KIRREL3: variants seen among roughly 807,000 people sequenced by gnomAD.
KIRREL3 encodes the protein kin of IRRE-like protein 3.
A neutral mutation model predicts 89.7 loss-of-function variants in KIRREL3; 36 were observed. The observed-to-expected ratio is 0.40, with a 90% confidence interval of 0.31 to 0.53. The LOEUF (loss-of-function observed/expected upper bound fraction) is 0.53, where lower values mean the gene tolerates loss of function less well. Among genes scored for constraint, KIRREL3 ranks in the 20% least tolerant of loss-of-function variants. KIRREL3 has a pLI of 0.49. For missense variants in KIRREL3, 864 were observed against 1,056.6 expected, an observed-to-expected ratio of 0.82 and a Z score of 2.53; for synonymous variants, 445 against 441.4, an observed-to-expected ratio of 1.01 and a Z score of -0.10.
At chr11:126,947,304 C>G (rs933540710) in intron 1 of KIRREL3, among the ~76,000 whole-genome samples, 4 of 152,174 alleles carry the variant, frequency 2.6e-5, no homozygotes, top group African/African-American at 9.7e-5. Context: ...CTTCACCTCT[C>G]CTATAACTCT....
Position 126,943,235 on chromosome 11 carries a change from G to A in KIRREL3, c.55+57220C>T, listed in dbSNP as rs1948512760. ...TTCTGGGCCTTAAGCAGCTCCCATGGTAAAACATTCACCGTCATTCTTTCT... is the reference window on the plus strand; with the variant it reads ...TTCTGGGCCTTAAGCAGCTCCCATGATAAAACATTCACCGTCATTCTTTCT... On this transcript the variant is annotated intron_variant, in intron 1 of 16. Transcript: ENST00000525144. This position sits in a 1 kb window ranked among gnomAD's most constrained non-coding sequence, Gnocchi z 4.2. Among the ~76,000 whole-genome samples the A allele has an allele frequency of 6.6e-6, 1 of 152,160 alleles. No homozygotes were observed. Among genetic ancestry groups the A allele is most frequent in the South Asian group, 2.1e-4 (1 of 4,826 alleles).
rs1958396754 is a variant in KIRREL3 at position 126,515,994 on chromosome 11, A to T, written c.433+5321T>A. On this transcript the variant is annotated intron_variant, in intron 4 of 16. Transcript: ENST00000525144. This position sits in a 1 kb window ranked among gnomAD's most constrained non-coding sequence, Gnocchi z 4.2. Reference sequence around the variant, plus strand: ...CTGGACCCATCTCCCCAGAAGATTCATGGATGGGAGATTGGGGGAGGCTGC... The same window carrying T: ...CTGGACCCATCTCCCCAGAAGATTCTTGGATGGGAGATTGGGGGAGGCTGC... 6.6e-6 allele frequency among the ~76,000 whole-genome samples: 1 copy of T among 152,056 alleles called. No homozygotes were observed. Among genetic ancestry groups the T allele is most frequent in the Non-Finnish European group, 1.5e-5 (1 of 68,000 alleles).
rs143542619 is a variant in KIRREL3, at chr11:126,889,861, C to T, written c.55+110594G>A. 3.3e-5 allele frequency among the ~76,000 whole-genome samples: 5 copies of T among 152,278 alleles called. No individual in the cohort carries two copies. In the East Asian group the frequency reaches 7.7e-4, roughly 24 times the overall value. ...TAAAAATCAAGGTTTGTGGGAATCA[C>T]TTCATAAAAAATATCTCCGTGACTG... On this transcript the variant is annotated intron_variant, in intron 1 of 16. Transcript: ENST00000525144.
At chr11:126,650,747 C>T (rs988185848) in intron 1 of KIRREL3, among the ~76,000 whole-genome samples, 1 of 152,188 alleles carries the variant, frequency 6.6e-6, no homozygotes, top group South Asian at 2.1e-4. Flanking sequence ...CTCCCTGTTG[C>T]CAAGTTCCAA....
intron 1 of KIRREL3, among the ~76,000 whole-genome samples, chr11:126,889,738 TA>T (rs1945838610): frequency 6.6e-6 from 1 of 152,200 alleles, no homozygotes; most frequent in Non-Finnish European, 1.5e-5. Flanking sequence ...CACAAAGGCA[TA>T]AACAATAGAG....
intron 1 of KIRREL3, among the ~76,000 whole-genome samples, chr11:126,833,932 T>C (rs1393364307): frequency 1.3e-5 from 2 of 152,242 alleles, no homozygotes; most frequent in Non-Finnish European, 2.9e-5. Flanking sequence ...AAGTCTACGT[T>C]TTGTTTCAGC....
chr11:126,920,679 C>G (rs1947235833), intron 1 of KIRREL3: 1 of 152,236 alleles, frequency 6.6e-6, no homozygotes, highest in Non-Finnish European at 1.5e-5. Flanking sequence ...TTTGGTCTCT[C>G]TACTTTCTCC....
chr11:126,523,672 C>T lies in KIRREL3; in HGVS notation c.284-2208G>A, dbSNP rs1262552162. ...AAGTTAAGCTGTCTCCCCCCAGGGC[C>T]AGGAGAGGGGCTGGAAATGGGTTCT... On this transcript the variant is annotated intron_variant, in intron 3 of 16. Transcript: ENST00000525144. The surrounding 1 kb of genome is among the most constrained non-coding windows in gnomAD (Gnocchi z 4.9). Among the ~76,000 whole-genome samples the T allele has an allele frequency of 6.6e-6, 1 of 152,132 alleles. No individual in the cohort carries two copies. Among genetic ancestry groups the T allele is most frequent in the Non-Finnish European group, 1.5e-5 (1 of 68,034 alleles).
chr11:126,435,489 T>C (rs980343103), intron 12 of KIRREL3, among the ~76,000 whole-genome samples, 186 bp from the exon 13 acceptor site: 1 of 148,096 alleles, frequency 6.8e-6, no homozygotes, highest in Non-Finnish European at 1.5e-5. Context: ...ACTTAGAGAC[T>C]CTGGAGGGGC....
intron 1 of KIRREL3, among the ~76,000 whole-genome samples, chr11:126,662,761 A>G (rs1004492550): frequency 1.3e-5 from 2 of 152,182 alleles, no homozygotes; most frequent in African/African-American, 4.8e-5. Flanking sequence ...GCAGTTGGAG[A>G]TAGCAAAGCA....
Position 126,897,912 on chromosome 11 carries a change from C to A in KIRREL3, c.55+102543G>T, listed in dbSNP as rs1423696815. ...GCACCTCGAGTTGCTGCTGGGACTG[C>A]AGAGGACACATCATTCTGCCTCTGC... On this transcript the variant is annotated intron_variant, in intron 1 of 16. Transcript: ENST00000525144. The surrounding 1 kb of genome is among the most constrained non-coding windows in gnomAD (Gnocchi z 4.2). Among the ~76,000 whole-genome samples the A allele has an allele frequency of 1.3e-5, 2 of 152,158 alleles. No individual in the cohort carries two copies. Among genetic ancestry groups the A allele is most frequent in the African/African-American group, 4.8e-5 (2 of 41,438 alleles).
At chr11:126,941,652 G>A (rs897956046) in intron 1 of KIRREL3, among the ~76,000 whole-genome samples, 2 of 151,982 alleles carry the variant, frequency 1.3e-5, no homozygotes, top group African/African-American at 4.8e-5. Context: ...TTAGTCTTCT[G>A]ATTCAAGCCT....
At position 126,430,896 on chromosome 11, in the gene KIRREL3, G is replaced by A. The variant is rs761051054; in HGVS notation, c.1696+523C>T. 45 of 845,886 alleles carry A rather than the reference G, an allele frequency of 5.3e-5. No individual in the cohort carries two copies. The highest frequency in any genetic ancestry group is 5.9e-4 in the Middle Eastern group (1 of 1,694). 52.4% of individuals were successfully genotyped at this position (845,886 alleles called of 1,614,324 possible). ...CCTCGGTGCACGCAATTCTTCAAGC[G>A]TGCACAAACACTAGAATTTTATTGG... On this transcript the variant is annotated intron_variant, in intron 14 of 16. Coordinates refer to ENST00000525144, the MANE Select transcript of KIRREL3 (RefSeq NM_032531.4). This position sits in a 1 kb window ranked among gnomAD's most constrained non-coding sequence, Gnocchi z 6.6.
In KIRREL3 at chr11:126,796,125, T is replaced by G. The variant is rs1950802687; in HGVS notation, c.55+204330A>C. On this transcript the variant is annotated intron_variant, in intron 1 of 16. Coordinates refer to ENST00000525144, the MANE Select transcript of KIRREL3 (RefSeq NM_032531.4). This position sits in a 1 kb window ranked among gnomAD's most constrained non-coding sequence, Gnocchi z 5.1. ...ATGGATCTTATTTTAGTTTTGCTAA[T>G]GCAATAAAGTTGGAATCCTGAACAT... is the stretch of plus-strand genomic sequence containing the variant. Among the ~76,000 whole-genome samples, 2 of 151,574 alleles carry G rather than the reference T, an allele frequency of 1.3e-5. No homozygotes were observed. Among genetic ancestry groups the G allele is most frequent in the South Asian group, 2.1e-4 (1 of 4,792 alleles).
In KIRREL3 at chr11:126,808,487, T is replaced by G. The variant is rs1230578061; in HGVS notation, c.55+191968A>C. On this transcript the variant is annotated intron_variant, in intron 1 of 16. Transcript: ENST00000525144. The surrounding 1 kb of genome is among the most constrained non-coding windows in gnomAD (Gnocchi z 4.1). Reference sequence around the variant, plus strand: ...CAGTTTTTCATGGGGTCTGTTTTTTTCCCAGTGACCTCCTGAGGCAGCAGA... The same window carrying G: ...CAGTTTTTCATGGGGTCTGTTTTTTGCCCAGTGACCTCCTGAGGCAGCAGA... Among the ~76,000 whole-genome samples the G allele has an allele frequency of 1.3e-5, 2 of 152,154 alleles. No homozygotes were observed.
chr11:126,732,928 C>T (rs1256044509), intron 1 of KIRREL3, among the ~76,000 whole-genome samples: 3 of 152,220 alleles, frequency 2.0e-5, no homozygotes, highest in African/African-American at 4.8e-5. Context: ...AAAGGGCTTG[C>T]CCTCCCATTG....
rs1945599600 is a variant in KIRREL3, at chr11:126,883,861, T to C, written c.55+116594A>G. Among the ~76,000 whole-genome samples the C allele has an allele frequency of 6.6e-6, 1 of 152,084 alleles. No homozygotes were observed. The highest frequency in any genetic ancestry group is 2.4e-5 in the African/African-American group (1 of 41,410). ...CATCCTATATTACCCAGAATCAAAA[T>C]TGGAATGGAGAGGTGGAGACATAGG... On this transcript the variant is annotated intron_variant, in intron 1 of 16. Coordinates refer to ENST00000525144, the MANE Select transcript of KIRREL3 (RefSeq NM_032531.4). This position sits in a 1 kb window ranked among gnomAD's most constrained non-coding sequence, Gnocchi z 4.1.
rs912317534 is a variant in KIRREL3, at chr11:126,812,344, C to A, written c.55+188111G>T. Reference sequence around the variant, plus strand: ...GGGAAAACGAAGTATGCTCTCCAGGCTAACCGTTGGTGGTTTAGGCAGACG... The same window carrying A: ...GGGAAAACGAAGTATGCTCTCCAGGATAACCGTTGGTGGTTTAGGCAGACG... On this transcript the variant is annotated intron_variant, in intron 1 of 16. Transcript: ENST00000525144. This position sits in a 1 kb window ranked among gnomAD's most constrained non-coding sequence, Gnocchi z 5.2. Among the ~76,000 whole-genome samples the A allele has an allele frequency of 6.6e-6, 1 of 152,090 alleles. No homozygotes were observed. Among genetic ancestry groups the A allele is most frequent in the Non-Finnish European group, 1.5e-5 (1 of 68,036 alleles).
At chr11:126,511,338 AAG>A (rs1958213101) in intron 4 of KIRREL3, among the ~76,000 whole-genome samples, 1 of 151,786 alleles carries the variant, frequency 6.6e-6, no homozygotes, top group Non-Finnish European at 1.5e-5. Context: ...AAAAAAAAAA[AAG>A]AGCTATACAA....
Sources: gnomAD v4.1 joint callset for allele counts (sites outside exome capture counted in the v4.1 genomes callset) on GRCh38, gnomAD v4.1.1 for gene constraint, Gnocchi (gnomAD v3.1) non-coding constraint, MANE v1.5 for transcripts, NCBI Gene and HGNC (gene_info 2026-07-23, HGNC 2026-07-21) for gene names.